The following ATRX variants were observed in gnomAD, a reference collection of about 807,000 sequenced individuals.
ATRX encodes the protein ATRX chromatin remodeler.
ATRX carries 12 observed loss-of-function variants against 172.6 expected under a neutral mutation model. The observed-to-expected ratio is 0.07, with a 90% CI of 0.04 to 0.11. ATRX has a LOEUF of 0.11. Ranked by LOEUF, ATRX falls within the 10% of genes least tolerant of loss-of-function variation. The pLI is 1.00. For missense variants in ATRX, 1,368 were observed against 1,767.4 expected, an observed-to-expected ratio of 0.77 and a Z score of 4.05; for synonymous variants, 674 against 594.7, an observed-to-expected ratio of 1.13 and a Z score of -1.94.
intron 1 of ATRX, among the ~76,000 whole-genome samples, chrX:77,784,362 A>T (rs2148989594): frequency 8.9e-6 from 1 of 112,597 alleles, no homozygotes; most frequent in South Asian, 3.6e-4. Context: ...TAGTAAGAAA[A>T]ACTGACCCTT....
At chrX:77,690,158 C>G (rs1321623505) in intron 6 of ATRX, among the ~76,000 whole-genome samples, 1 of 111,922 alleles carries the variant, frequency 8.9e-6, no homozygotes, top group Non-Finnish European at 1.9e-5. Context: ...TCACTGCAGC[C>G]TCTACCTCCC....
At chrX:77,739,384 G>GATAT (rs1208250650) in intron 1 of ATRX, among the ~76,000 whole-genome samples, 1 of 105,084 alleles carries the variant, frequency 9.5e-6, no homozygotes, top group African/African-American at 3.4e-5. Flanking sequence ...TACATAATCA[G>GATAT]ATATATATAT....
At chrX:77,640,138 A>T (rs1395439385) in intron 15 of ATRX, among the ~76,000 whole-genome samples, 1 of 111,827 alleles carries the variant, frequency 8.9e-6, no homozygotes, top group Non-Finnish European at 1.9e-5. Flanking sequence ...GCACACATGG[A>T]CATCAACATG....
chrX:77,557,734 T>C, intron 29 of ATRX, 89 bp from the exon 30 acceptor site: 1 of 840,991 alleles, frequency 1.2e-6, no homozygotes. Context: ...CTGGTTAATA[T>C]GAAATGGTAA....
intron 1 of ATRX, among the ~76,000 whole-genome samples, chrX:77,757,698 G>A (rs2075556686): frequency 9.6e-6 from 1 of 104,201 alleles, no homozygotes; most frequent in Non-Finnish European, 2.0e-5. Flanking sequence ...TGGAGACAAA[G>A]TCTCACTCTG....
chrX:77,766,155 T>C (rs1237924449), intron 1 of ATRX, among the ~76,000 whole-genome samples: 2 of 112,241 alleles, frequency 1.8e-5, no homozygotes, highest in Non-Finnish European at 3.8e-5. Context: ...CCCTTTCTAT[T>C]CCACAAAACC....
chrX:77,704,562 A>G (rs2072711509), intron 2 of ATRX, among the ~76,000 whole-genome samples: 1 of 111,804 alleles, frequency 8.9e-6, no homozygotes, highest in Non-Finnish European at 1.9e-5. Flanking sequence ...GCTGCCATTC[A>G]TGGTGCCCAG....
chrX:77,600,873 A>G (rs183786454), intron 22 of ATRX: 2 of 205,681 alleles, frequency 9.7e-6, no homozygotes, highest in Admixed American at 1.4e-4. Flanking sequence ...ATTGATAAAC[A>G]TAAATGATTT....
chrX:77,583,516 C>T (rs2065902511), intron 27 of ATRX, among the ~76,000 whole-genome samples: 1 of 107,952 alleles, frequency 9.3e-6, no homozygotes, highest in Non-Finnish European at 1.9e-5. Context: ...AGAGTGAGAC[C>T]GTCTCAAAAA....
intron 28 of ATRX, among the ~76,000 whole-genome samples, chrX:77,571,500 A>G (rs1322481173): frequency 8.9e-6 from 1 of 111,863 alleles, no homozygotes; most frequent in Non-Finnish European, 1.9e-5. Flanking sequence ...CAGTCTTAAT[A>G]TGATAAAATA....
At chrX:77,534,237 A>G (rs2056882700) in intron 30 of ATRX, among the ~76,000 whole-genome samples, 2 of 111,621 alleles carry the variant, frequency 1.8e-5, no homozygotes, top group South Asian at 3.7e-4. Flanking sequence ...TGAATAAGAG[A>G]AAAAAAAGAC....
At chrX:77,645,423 G>T (rs1371497284) in intron 15 of ATRX, among the ~76,000 whole-genome samples, 1 of 111,726 alleles carries the variant, frequency 9.0e-6, no homozygotes, top group Non-Finnish European at 1.9e-5. Context: ...ACAGGGGTGA[G>T]CTACTGTGCC....
At chrX:77,729,522 G>A (rs1036130737) in intron 1 of ATRX, among the ~76,000 whole-genome samples, 4 of 111,750 alleles carry the variant, frequency 3.6e-5, no homozygotes, top group South Asian at 3.7e-4. Context: ...CATGTATGAC[G>A]CAAAACTAAT....
intron 30 of ATRX, among the ~76,000 whole-genome samples, chrX:77,549,630 G>A (rs906630443): frequency 3.6e-5 from 4 of 112,327 alleles, no homozygotes; most frequent in Non-Finnish European, 7.5e-5. Flanking sequence ...CTACTTATAA[G>A]TCTAGATCAT....
chrX:77,720,565 A>G (rs1303195167), intron 1 of ATRX, among the ~76,000 whole-genome samples: 2 of 112,167 alleles, frequency 1.8e-5, no homozygotes, highest in Non-Finnish European at 3.8e-5. Flanking sequence ...CAAACAAACT[A>G]GAAAATCTAG....
At chrX:77,744,343 G>A (rs1244396644) in intron 1 of ATRX, among the ~76,000 whole-genome samples, 12 of 111,804 alleles carry the variant, frequency 1.1e-4, no homozygotes, top group Admixed American at 5.7e-4. Flanking sequence ...ACTACTGCAC[G>A]CACCCAGAAG....
intron 30 of ATRX, among the ~76,000 whole-genome samples, chrX:77,537,966 T>C (rs782473925): frequency 9.0e-6 from 1 of 111,159 alleles, no homozygotes; most frequent in African/African-American, 3.3e-5. Flanking sequence ...TTCTCACTTA[T>C]AAGTGGGAGC....
intron 15 of ATRX, among the ~76,000 whole-genome samples, chrX:77,651,689 C>A (rs2069250054): frequency 9.0e-6 from 1 of 110,621 alleles, no homozygotes; most frequent in Non-Finnish European, 1.9e-5. Flanking sequence ...GAAACCCCAA[C>A]TCTACTAAAA....
chrX:77,618,771 T>C, intron 21 of ATRX, 35 bp downstream of exon 21: 2 of 1,144,598 alleles, frequency 1.7e-6, no homozygotes. Flanking sequence ...TATAAAAAAG[T>C]AAGAATATTT....
Sources: gnomAD v4.1 joint callset for allele counts (sites outside exome capture counted in the v4.1 genomes callset) on GRCh38, gnomAD v4.1.1 for gene constraint, MANE v1.5 for transcripts, NCBI Gene and HGNC (gene_info 2026-07-23, HGNC 2026-07-21) for gene names.